The following ASCC2 variants were observed in gnomAD, a reference collection of about 807,000 sequenced individuals.
The protein encoded by ASCC2 is ASC-1 complex subunit P100.
In ASCC2, 42 loss-of-function variants were observed where a neutral mutation model predicts 93.5. That is an observed-to-expected ratio of 0.45 (90% CI 0.35 to 0.58). The LOEUF (loss-of-function observed/expected upper bound fraction) is 0.58. ASCC2 is among the 20% of genes least tolerant of loss of function. The pLI is 0.00. For missense variants in ASCC2, 859 were observed against 977.6 expected (o/e 0.88, Z 1.62); for synonymous variants, 364 against 384.2 (o/e 0.95, Z 0.62).
chr22:29,789,045 G>A lies in ASCC2; in HGVS notation c.2242C>T (p.Arg748Cys), dbSNP rs748093374. 13 of 1,614,038 alleles carry A rather than the reference G, an allele frequency of 8.1e-6. No individual in the cohort carries two copies. Among genetic ancestry groups the A allele is most frequent in the Middle Eastern group, 1.6e-4 (1 of 6,084 alleles). Residue 748 changes from arginine to cysteine, a missense_variant, in exon 20 of 20, where the codon CGC (arginine) becomes TGC (cysteine). Coordinates refer to ENST00000307790, the MANE Select transcript of ASCC2 (RefSeq NM_032204.5). ...ANHNRRTMAD[R>C]KRSKGMIPS Reference sequence around the variant, plus strand: ...GGGATCATGCCTTTGCTCCTCTTGCGGTCGGCCATGGTTCTCCGGTTGTGG... The same window carrying A: ...GGGATCATGCCTTTGCTCCTCTTGCAGTCGGCCATGGTTCTCCGGTTGTGG...
intron 2 of ASCC2, among the ~76,000 whole-genome samples, chr22:29,827,858 C>G (rs900862820): frequency 7.4e-6 from 1 of 134,318 alleles, no homozygotes; most frequent in African/African-American, 2.9e-5. Context: ...ATTCTCCTGA[C>G]ACACACACAC....
In ASCC2 at chr22:29,804,754, C is replaced by A; in HGVS notation, c.1237G>T (p.Asp413Tyr). Residue 413 changes from aspartate (D) to tyrosine (Y), a missense_variant, in exon 13 of 20, where the codon GAT becomes TAT. Asp to Tyr is a radical substitution (Grantham distance 160). Transcript: ENST00000307790. ...TCAATCACCGATGGGTCTTTAGCAT[C>A]TGTGGCTTTCCGTCTGTCCACCCCT... The part of the protein sequence containing the change: ...WEGVDRRKAT[D>Y]AKDPSVIEEP... 6.2e-7 allele frequency: 1 copy of A among 1,614,168 alleles called. No homozygotes were observed.
intron 5 of ASCC2, chr22:29,822,060 G>A (rs766260024): frequency 1.6e-4 from 66 of 410,464 alleles, no homozygotes; most frequent in African/African-American, 1.3e-3. Context: ...CTGCCTCCCA[G>A]GTTCAAGTGA....
chr22:29,808,006 C>T (rs2059877091), intron 9 of ASCC2, 105 bp downstream of exon 9: 1 of 1,140,656 alleles, frequency 8.8e-7, no homozygotes, highest in South Asian at 1.3e-5. Flanking sequence ...TCCCTGGTCC[C>T]ACCCACTTGT....
chr22:29,790,492 G>C lies in ASCC2; in HGVS notation c.2079C>G (p.Arg693=). ...AVLREKAEAR[R]MAFLAKKGYR... ...ACCCTTTCTTGGCGAGAAAGGCCAT[G>C]CGCCTGGCTTCTGCCTTCTCTCTCA... The change falls in exon 19 of 20, where the codon CGC becomes CGG. Residue 693 remains arginine (R), a synonymous_variant. Transcript: ENST00000307790. 1 of 1,614,134 alleles carries C rather than the reference G, an allele frequency of 6.2e-7. No homozygotes were observed. The highest frequency in any genetic ancestry group is 8.5e-7 in the Non-Finnish European group (1 of 1,180,040).
chr22:29,801,169 C>A, intron 14 of ASCC2, 59 bp from the exon 15 acceptor site: 4 of 1,531,896 alleles, frequency 2.6e-6, no homozygotes, highest in Non-Finnish European at 2.7e-6. Flanking sequence ...GCAATCTGCA[C>A]CCCACTTCCC....
intron 5 of ASCC2, chr22:29,821,990 C>T (rs1191263103): frequency 9.1e-6 from 4 of 440,776 alleles, no homozygotes; most frequent in Non-Finnish European, 1.3e-5. Context: ...CAGAGCAAGG[C>T]TTTGTCTTTT....
chr22:29,795,738 C>T (rs536360295), intron 15 of ASCC2, among the ~76,000 whole-genome samples: 1 of 152,272 alleles, frequency 6.6e-6, no homozygotes, highest in African/African-American at 2.4e-5. Flanking sequence ...ACAGCTTCGG[C>T]AGGGACTGAG....
At chr22:29,800,441 T>G (rs914526419) in intron 15 of ASCC2, among the ~76,000 whole-genome samples, 8 of 152,240 alleles carry the variant, frequency 5.3e-5, no homozygotes, top group Admixed American at 3.3e-4. Flanking sequence ...CCCCAGAACC[T>G]AATTAATCCA....
At chr22:29,817,068 G>A (rs2148028596) in intron 5 of ASCC2, among the ~76,000 whole-genome samples, 1 of 152,280 alleles carries the variant, frequency 6.6e-6, no homozygotes, top group East Asian at 1.9e-4. Context: ...AAAACCAGAT[G>A]GGGCTGGGTG....
At chr22:29,802,299 G>T in intron 13 of ASCC2, 91 bp from the exon 14 acceptor site, 6 of 1,324,538 alleles carry the variant, frequency 4.5e-6, no homozygotes, top group South Asian at 1.3e-5. Context: ...AGGCATCAGG[G>T]ATCTGGTTCA....
intron 13 of ASCC2, among the ~76,000 whole-genome samples, chr22:29,802,661 G>C (rs931814375): frequency 2.0e-5 from 3 of 152,000 alleles, no homozygotes; most frequent in Admixed American, 6.6e-5. Context: ...GTAGCCAGGT[G>C]GCCGGGTGTG....
rs112376674 is a variant in ASCC2 at position 29,825,504 on chromosome 22, G to T, written c.240+118C>A. 32 of 1,415,864 alleles carry T rather than the reference G, an allele frequency of 2.3e-5. No individual in the cohort carries two copies. The highest frequency in any genetic ancestry group is 3.2e-5 in the Non-Finnish European group (32 of 1,012,638). The allele number at this position is 1,415,864 out of a possible 1,614,324, so 87.7% of individuals were successfully genotyped here. A position where few individuals can be genotyped will look rare whatever the true frequency, so the allele number is the denominator to read the frequency against. On this transcript the variant is annotated intron_variant, in intron 3 of 19. Coordinates refer to ENST00000307790, the MANE Select transcript of ASCC2 (RefSeq NM_032204.5). This position sits in a 1 kb window ranked among gnomAD's most constrained non-coding sequence, Gnocchi z 4.9. ...AATCCGAACCACAATTTGCTGTTAA[G>T]GATCCAGTGAAAGAAGTAGACAAAA...
intron 5 of ASCC2, among the ~76,000 whole-genome samples, chr22:29,817,425 C>T (rs1478291187): frequency 6.6e-6 from 1 of 152,138 alleles, no homozygotes; most frequent in Non-Finnish European, 1.5e-5. Context: ...CCCTACACTA[C>T]ACTCCTCCCT....
At chr22:29,817,219 A>G (rs2060964515) in intron 5 of ASCC2, among the ~76,000 whole-genome samples, 1 of 152,060 alleles carries the variant, frequency 6.6e-6, no homozygotes, top group Non-Finnish European at 1.5e-5. Flanking sequence ...TGATCCCATA[A>G]CCTGTGAAGG....
chr22:29,820,754 G>A (rs2061452705), intron 5 of ASCC2, among the ~76,000 whole-genome samples: 1 of 151,770 alleles, frequency 6.6e-6, no homozygotes, highest in African/African-American at 2.4e-5. Context: ...GATCAACGTG[G>A]AGAAACCCCA....
intron 15 of ASCC2, among the ~76,000 whole-genome samples, chr22:29,800,107 A>T (rs958096837): frequency 2.6e-5 from 4 of 152,188 alleles, no homozygotes; most frequent in African/African-American, 9.7e-5. Context: ...AAAACATAAA[A>T]TATGCTGGCT....
At chr22:29,801,173 A>T in intron 14 of ASCC2, 63 bp from the exon 15 acceptor site, 2 of 1,529,242 alleles carry the variant, frequency 1.3e-6, no homozygotes, top group South Asian at 2.5e-5. Context: ...TCTGCACCCC[A>T]CTTCCCCCTG....
At chr22:29,826,706 C>T (rs1036083117) in intron 2 of ASCC2, among the ~76,000 whole-genome samples, 1 of 152,046 alleles carries the variant, frequency 6.6e-6, no homozygotes, top group African/African-American at 2.4e-5. Context: ...GGTGAGCTGC[C>T]TGGGACTACA....
Sources: gnomAD v4.1 joint callset for allele counts (sites outside exome capture counted in the v4.1 genomes callset) on GRCh38, gnomAD v4.1.1 for gene constraint, Gnocchi (gnomAD v3.1) non-coding constraint, MANE v1.5 for transcripts, NCBI Gene and HGNC (gene_info 2026-07-23, HGNC 2026-07-21) for gene names.